Variants in ARHGEF4 observed in about 807,000 individuals in gnomAD.
The protein encoded by ARHGEF4 is APC-stimulated guanine nucleotide exchange factor 1.
In ARHGEF4, 119 loss-of-function variants were observed where a neutral mutation model predicts 162.0. That is an observed-to-expected ratio of 0.73 (90% confidence interval 0.63 to 0.86). The LOEUF (loss-of-function observed/expected upper bound fraction) is 0.86, where lower values mean the gene tolerates loss of function less well. Ranked by LOEUF, ARHGEF4 falls within the 40% of genes least tolerant of loss-of-function variation. The pLI, the probability that ARHGEF4 is intolerant of heterozygous loss-of-function variation, is 0.00. For missense variants in ARHGEF4, 2,488 were observed against 2,456.0 expected, an observed-to-expected ratio of 1.01 and a Z score of -0.28; for synonymous variants, 1,014 against 979.9, an observed-to-expected ratio of 1.03 and a Z score of -0.65.
intron 4 of ARHGEF4, among the ~76,000 whole-genome samples, chr2:131,018,560 C>T (rs1373772999): frequency 6.6e-6 from 1 of 152,118 alleles, no homozygotes; most frequent in East Asian, 1.9e-4. Context: ...TGCCTTTTCT[C>T]TCTTGATACT....
chr2:131,032,088 T>C (rs1165642000), intron 5 of ARHGEF4, among the ~76,000 whole-genome samples: 1 of 152,160 alleles, frequency 6.6e-6, no homozygotes, highest in Admixed American at 6.5e-5. Flanking sequence ...TGCAGCATCC[T>C]GTGAGCTGCT....
At chr2:131,007,380 A>G (rs1239247926) in intron 4 of ARHGEF4, among the ~76,000 whole-genome samples, 7 of 152,190 alleles carry the variant, frequency 4.6e-5, no homozygotes, top group Middle Eastern at 3.2e-3. Flanking sequence ...TCTTTCTGGT[A>G]CCTTCAAATA....
chr2:130,917,565 G>A, intron 2 of ARHGEF4, 67 bp downstream of exon 2: 2 of 1,472,892 alleles, frequency 1.4e-6, no homozygotes, highest in Non-Finnish European at 1.8e-6. Context: ...GGAGCAGGCG[G>A]GAATCTTCCT....
rs368452142 is a variant in ARHGEF4, at chr2:130,988,901, T to TAGAGAGAGAGAG, written c.3986-39020_3986-39009dup. Among the ~76,000 whole-genome samples, 48 of 113,368 alleles carry TAGAGAGAGAGAG rather than the reference T, an allele frequency of 4.2e-4. No homozygotes were observed. The East Asian group carries it at 5.1e-3, about 12-fold the overall frequency. 74.4% of individuals were successfully genotyped at this position (113,368 alleles called of 152,430 possible). ...ATATATATATATATATATATATATA[T>TAGAGAGAGAGAG]AGAGAGAGAGAGAGAGAGAGAGAGA... is the stretch of plus-strand genomic sequence containing the variant. On this transcript the variant is annotated intron_variant, in intron 4 of 13. Coordinates refer to ENST00000409359, the MANE Select transcript of ARHGEF4 (RefSeq NM_001367493.1).
intron 1 of ARHGEF4, among the ~76,000 whole-genome samples, chr2:130,887,171 A>G (rs1478872921): frequency 2.0e-5 from 3 of 151,958 alleles, no homozygotes; most frequent in African/African-American, 7.3e-5. Flanking sequence ...AATTTCTACA[A>G]AAAGCCTGCT....
intron 5 of ARHGEF4, among the ~76,000 whole-genome samples, chr2:131,028,414 T>C (rs2105369645): frequency 6.6e-6 from 1 of 152,238 alleles, no homozygotes; most frequent in African/African-American, 2.4e-5. Context: ...GAAGGGAGGC[T>C]AGGGCTTCTC....
At chr2:131,003,811 T>A (rs1687930362) in intron 4 of ARHGEF4, among the ~76,000 whole-genome samples, 1 of 152,216 alleles carries the variant, frequency 6.6e-6, no homozygotes, top group Admixed American at 6.5e-5. Context: ...TGACTTCAGA[T>A]CAGTCTTCTG....
intron 1 of ARHGEF4, among the ~76,000 whole-genome samples, chr2:130,903,245 G>A (rs72992459): frequency 1.1e-5 from 1 of 91,558 alleles, no homozygotes; most frequent in Non-Finnish European, 2.4e-5. Context: ...TGTTTATCTT[G>A]ACTTTTTTTT....
chr2:130,852,580 G>C (rs2566741), intron 1 of ARHGEF4, among the ~76,000 whole-genome samples: 13 of 152,140 alleles, frequency 8.5e-5, no homozygotes, highest in African/African-American at 3.1e-4. Context: ...GACTGACTGT[G>C]GGGTGGGTTG....
chr2:131,031,809 A>G (rs974903408), intron 5 of ARHGEF4, among the ~76,000 whole-genome samples: 6 of 151,534 alleles, frequency 4.0e-5, no homozygotes, highest in African/African-American at 1.5e-4. Context: ...CTCCCCCTTG[A>G]CTCTCTTGGG....
intron 1 of ARHGEF4, among the ~76,000 whole-genome samples, chr2:130,879,291 C>G (rs868581962): frequency 1.2e-4 from 18 of 152,246 alleles, no homozygotes; most frequent in Non-Finnish European, 2.1e-4. Context: ...GTCTCTTTTA[C>G]AGGAGATTTT....
chr2:131,001,302 CAAAAAAAA>C (rs70994730), intron 4 of ARHGEF4, among the ~76,000 whole-genome samples: 20 of 31,160 alleles, frequency 6.4e-4, no homozygotes, highest in South Asian at 1.6e-3. Context: ...GACTGTGTCT[CAAAAAAAA>C]AAAAAAAAAA....
intron 1 of ARHGEF4, among the ~76,000 whole-genome samples, chr2:130,895,663 A>G (rs1388026996): frequency 6.6e-6 from 1 of 152,126 alleles, no homozygotes; most frequent in Non-Finnish European, 1.5e-5. Flanking sequence ...TTGGCTCAAA[A>G]TTTTGCATAT....
intron 4 of ARHGEF4, among the ~76,000 whole-genome samples, chr2:131,014,926 T>G (rs1458258982): frequency 6.6e-6 from 1 of 152,010 alleles, no homozygotes; most frequent in African/African-American, 2.4e-5. Context: ...TGGAGAGCGA[T>G]GGGCACTGAG....
chr2:130,985,341 C>T (rs1686409398), intron 4 of ARHGEF4, among the ~76,000 whole-genome samples: 1 of 152,140 alleles, frequency 6.6e-6, no homozygotes. Context: ...GTTACCAAAA[C>T]ACCAGGGGTT....
At chr2:131,018,293 T>C (rs546079430) in intron 4 of ARHGEF4, among the ~76,000 whole-genome samples, 2 of 152,364 alleles carry the variant, frequency 1.3e-5, no homozygotes, top group African/African-American at 4.8e-5. Context: ...TGAACTGGCA[T>C]ACCGCTGTGA....
intron 5 of ARHGEF4, among the ~76,000 whole-genome samples, chr2:131,029,929 G>T (rs553534396): frequency 6.6e-6 from 1 of 152,358 alleles, no homozygotes; most frequent in South Asian, 2.1e-4. Flanking sequence ...CCCCGAGGGG[G>T]CCTGTCAGAT....
intron 1 of ARHGEF4, among the ~76,000 whole-genome samples, chr2:130,838,767 G>A (rs748488493): frequency 6.6e-6 from 1 of 152,192 alleles, no homozygotes; most frequent in Non-Finnish European, 1.5e-5. Context: ...CCCAGGTGAG[G>A]GGAAGATGGC....
At chr2:131,045,327 C>A in intron 12 of ARHGEF4, 42 bp from the exon 13 acceptor site, 2 of 1,580,412 alleles carry the variant, frequency 1.3e-6, no homozygotes, top group African/African-American at 1.3e-5. Flanking sequence ...GCACCTGGGG[C>A]CACGAAGTGG....
Sources: gnomAD v4.1 joint callset for allele counts (sites outside exome capture counted in the v4.1 genomes callset) on GRCh38, gnomAD v4.1.1 for gene constraint, MANE v1.5 for transcripts, NCBI Gene and HGNC (gene_info 2026-07-23, HGNC 2026-07-21) for gene names.